The following RTRAF variants were observed in gnomAD, a reference collection of about 807,000 sequenced individuals.
The protein encoded by RTRAF is RNA transcription, translation and transport factor.
In RTRAF, 14 loss-of-function variants were observed where a neutral mutation model predicts 34.4. The ratio of observed to expected loss-of-function variants is 0.41; its 90% confidence interval spans 0.27 to 0.64. RTRAF has a LOEUF of 0.64. Ranked by LOEUF, RTRAF falls within the 30% of genes least tolerant of loss-of-function variation. The pLI is 0.34. For synonymous variants in RTRAF, 96 were observed against 95.3 expected (o/e 1.01, Z -0.04); for missense variants, 291 against 288.4 (o/e 1.01, Z -0.06).
At chr14:52,003,364 G>C (rs189553668) in intron 6 of RTRAF, among the ~76,000 whole-genome samples, 1 of 152,174 alleles carries the variant, frequency 6.6e-6, no homozygotes, top group Admixed American at 6.5e-5. Context: ...GTACCCATTG[G>C]TTTCTTCAGA....
rs1890759011 is a variant in RTRAF, at chr14:52,005,882, C to T, written c.*1366C>T. 2 of 1,456,594 alleles carry T rather than the reference C, an allele frequency of 1.4e-6. No homozygotes were observed. Among genetic ancestry groups the T allele is most frequent in the East Asian group, 2.3e-5 (1 of 43,606 alleles). 90.2% of individuals were successfully genotyped at this position (1,456,594 alleles called of 1,614,324 possible). Reference sequence around the variant, plus strand: ...CAGAAAGGAAGAGTGAATTCAGGGACAGTCATTTACTAGATAAAGAAGTCA... The same window carrying T: ...CAGAAAGGAAGAGTGAATTCAGGGATAGTCATTTACTAGATAAAGAAGTCA... On this transcript the variant is annotated 3_prime_UTR_variant, in exon 8 of 8. Transcript: ENST00000261700.
Position 52,001,854 on chromosome 14 carries a change from TCAAA to T in RTRAF, c.524_527del (p.Thr175LysfsTer8). ...CACAGGATGCAGTTGCTAAGGCAAA[TCAAA>T]CAAAAGAGGTACGTTTCTATAAATC... On this transcript the variant is annotated frameshift_variant, in exon 6 of 8. Coordinates refer to ENST00000261700, the MANE Select transcript of RTRAF (RefSeq NM_016039.3). LOFTEE classifies it high-confidence loss of function. The T allele has an allele frequency of 6.2e-7, 1 of 1,609,900 alleles. No homozygotes were observed.
chr14:52,002,782 C>G (rs1345999452), intron 6 of RTRAF, among the ~76,000 whole-genome samples: 1 of 152,180 alleles, frequency 6.6e-6, no homozygotes, highest in African/African-American at 2.4e-5. Context: ...CCCCCATCTC[C>G]CAATGCCTTT....
chr14:51,989,569 G>A lies in RTRAF; in HGVS notation c.-71G>A. On this transcript the variant is annotated 5_prime_UTR_variant, in exon 1 of 8. Transcript: ENST00000261700. ...CCCTCTCGCCGCGTCGCCGGTGCCT[G>A]CGCCTCCCGCTCCACCTCGCTTCTT... is the stretch of plus-strand genomic sequence containing the variant. The A allele has an allele frequency of 6.7e-7, 1 of 1,503,230 alleles. No individual in the cohort carries two copies. Among genetic ancestry groups the A allele is most frequent in the South Asian group, 1.2e-5 (1 of 81,260 alleles). The allele number at this position is 1,503,230 out of a possible 1,614,324, so 93.1% of individuals were successfully genotyped here. A position where few individuals can be genotyped will look rare whatever the true frequency, so the allele number is the denominator to read the frequency against.
At chr14:51,997,821 C>T (rs560183555) in intron 3 of RTRAF, 10 of 151,784 alleles carry the variant, frequency 6.6e-5, no homozygotes, top group Admixed American at 2.0e-4. Flanking sequence ...TTTAATCTTA[C>T]GTAACCTATA....
chr14:51,989,893 C>A (rs112909263), intron 1 of RTRAF, among the ~76,000 whole-genome samples, 193 bp downstream of exon 1: 1 of 152,228 alleles, frequency 6.6e-6, no homozygotes, highest in African/African-American at 2.4e-5. Context: ...AGCCCTCTCA[C>A]CTACTCCTGT....
chr14:51,998,547 A>G lies in RTRAF; in HGVS notation c.340A>G (p.Thr114Ala), dbSNP rs777392887. ...TAATTCAAAAACTGCTGACAATGCA[A>G]CTAAAAATGCAGAACCATTGATCAA... ...PDNSKTADNATKNAEPLINLD... is the reference protein window; with the variant it reads ...PDNSKTADNAAKNAEPLINLD... The change falls in exon 4 of 8, where the codon ACT becomes GCT. Residue 114 changes from threonine to alanine, a missense_variant. Coordinates refer to ENST00000261700, the MANE Select transcript of RTRAF (RefSeq NM_016039.3). 1.9e-5 allele frequency: 31 copies of G among 1,593,730 alleles called. No homozygotes were observed. The South Asian group carries it at 3.5e-4, about 18-fold the overall frequency.
rs767902415 is a variant in RTRAF at position 51,989,616 on chromosome 14, G to A, written c.-24G>A. On this transcript the variant is annotated 5_prime_UTR_variant, in exon 1 of 8. Transcript: ENST00000261700. ...TCTTCTCTCCCGGCCGAGGCCCGGG[G>A]GACCAGAGCGAGAAGCGGGGACCAT... The A allele has an allele frequency of 3.1e-5, 49 of 1,592,860 alleles. No individual in the cohort carries two copies. Among genetic ancestry groups the A allele is most frequent in the South Asian group, 5.7e-5 (5 of 87,694 alleles).
At position 52,007,639 on chromosome 14, in the gene RTRAF, A is replaced by C; in HGVS notation, c.*3123A>C. The stretch of plus-strand genomic sequence containing the variant: ...TCCTTCCCTCCACCCAAACCCCAGA[A>C]AGTTCATTTTAAGACTCATTTACTA... On this transcript the variant is annotated 3_prime_UTR_variant, in exon 8 of 8. Transcript: ENST00000261700. 1.5e-6 allele frequency: 1 copy of C among 656,454 alleles called. No individual in the cohort carries two copies. The highest frequency in any genetic ancestry group is 1.9e-5 in the South Asian group (1 of 52,944). 40.7% of individuals were successfully genotyped at this position (656,454 alleles called of 1,614,324 possible).
At chr14:51,991,468 A>G in intron 2 of RTRAF, 27 bp downstream of exon 2, 1 of 1,590,702 alleles carries the variant, frequency 6.3e-7, no homozygotes, top group South Asian at 1.2e-5. Context: ...TAAAGTAAAA[A>G]TACAGAGAGT....
intron 6 of RTRAF, among the ~76,000 whole-genome samples, chr14:52,003,789 T>C (rs1890651071): frequency 6.6e-6 from 1 of 152,222 alleles, no homozygotes; most frequent in Non-Finnish European, 1.5e-5. Context: ...ATTAATGTGC[T>C]CAGAAATGGA....
At position 52,004,180 on chromosome 14, in the gene RTRAF, TTC is replaced by T; in HGVS notation, c.532-12_532-11del. On this transcript the variant is annotated splice_polypyrimidine_tract_variant and intron_variant, in intron 6 of 7. Coordinates refer to ENST00000261700, the MANE Select transcript of RTRAF (RefSeq NM_016039.3). ...AACCATAAATACTCTCATTTTGTCT[TTC>T]TTTTTTTAAAGGGCTTACCTGTTGC... 1 of 1,606,420 alleles carries T rather than the reference TTC, an allele frequency of 6.2e-7. No individual in the cohort carries two copies. The highest frequency in any genetic ancestry group is 1.3e-5 in the African/African-American group (1 of 74,786).
intron 1 of RTRAF, 124 bp downstream of exon 1, chr14:51,989,824 G>T: frequency 2.1e-6 from 2 of 971,970 alleles, no homozygotes; most frequent in South Asian, 1.6e-5. Flanking sequence ...CAGCCTCCGG[G>T]CCCCTCTCCT....
Position 51,998,500 on chromosome 14 carries a change from A to G in RTRAF, c.293A>G (p.Lys98Arg), listed in dbSNP as rs1444661255. The change falls in exon 4 of 8, where the codon AAA (lysine) becomes AGA (arginine). Residue 98 changes from lysine (K) to arginine (R), a missense_variant. Coordinates refer to ENST00000261700, the MANE Select transcript of RTRAF (RefSeq NM_016039.3). ...VRLEYGDNAE[K>R]YKDLVPDNSK... is the part of the protein sequence containing the mutation. ...TTTTTGCCTGTTTTTATAGCTGAAA[A>G]ATACAAGGATTTAGTACCTGATAAT... The G allele has an allele frequency of 1.3e-6, 2 of 1,547,286 alleles. No homozygotes were observed. The highest frequency in any genetic ancestry group is 2.4e-5 in the East Asian group (1 of 41,616).
At chr14:52,004,011 A>T (rs1890658853) in intron 6 of RTRAF, 183 bp from the exon 7 acceptor site, 5 of 612,928 alleles carry the variant, frequency 8.2e-6, no homozygotes, top group African/African-American at 1.9e-5. Flanking sequence ...AACCGGTTGA[A>T]ATAGGGAAAA....
chr14:52,005,554 T>C lies in RTRAF; in HGVS notation c.*1038T>C. The C allele has an allele frequency of 6.4e-7, 1 of 1,567,880 alleles. No homozygotes were observed. Among genetic ancestry groups the C allele is most frequent in the Admixed American group, 1.8e-5 (1 of 54,530 alleles). On this transcript the variant is annotated 3_prime_UTR_variant, in exon 8 of 8. Transcript: ENST00000261700. ...GTGGGTGAGTATATTGTAACCAAGT[T>C]GCAACAGCAAGTCTTTGCATTTTGT...
intron 1 of RTRAF, among the ~76,000 whole-genome samples, chr14:51,990,116 G>C (rs1407976518): frequency 6.6e-6 from 1 of 152,158 alleles, no homozygotes; most frequent in African/African-American, 2.4e-5. Flanking sequence ...CTAGTTCACT[G>C]CCTGCCAGGA....
chr14:51,991,502 A>G (rs1194536475), intron 2 of RTRAF, 61 bp downstream of exon 2: 1 of 1,513,590 alleles, frequency 6.6e-7, no homozygotes, highest in Non-Finnish European at 9.0e-7. Context: ...CATGAAGATG[A>G]GCTTAAAATT....
intron 5 of RTRAF, among the ~76,000 whole-genome samples, chr14:52,000,841 A>G (rs555587196): frequency 6.6e-6 from 1 of 152,298 alleles, no homozygotes; most frequent in South Asian, 2.1e-4. Context: ...AGTAAGTGAG[A>G]GGAGAGTCAG....
Sources: gnomAD v4.1 joint callset for allele counts (sites outside exome capture counted in the v4.1 genomes callset) on GRCh38, gnomAD v4.1.1 for gene constraint, MANE v1.5 for transcripts, NCBI Gene and HGNC (gene_info 2026-07-23, HGNC 2026-07-21) for gene names.